Variants in GRIK1 observed in about 807,000 individuals in gnomAD.
The protein encoded by GRIK1 is glutamate ionotropic receptor kainate type subunit 1.
Under a neutral mutation model 105.7 loss-of-function variants are expected in GRIK1, and 69 were observed. That is an observed-to-expected ratio of 0.65 (90% CI 0.54 to 0.80). GRIK1 has a LOEUF of 0.80. Among genes scored for constraint, GRIK1 ranks in the 30% least tolerant of loss-of-function variants. The probability of loss-of-function intolerance (pLI) is 0.00; values close to 1 mark genes in which losing one functional copy is unlikely to be tolerated. For missense variants in GRIK1, 1,109 were observed against 1,167.3 expected, an observed-to-expected ratio of 0.95 and a Z score of 0.73; for synonymous variants, 438 against 431.3, an observed-to-expected ratio of 1.02 and a Z score of -0.19.
intron 1 of GRIK1, among the ~76,000 whole-genome samples, chr21:29,851,349 C>T (rs1240791193): frequency 1.3e-5 from 2 of 152,200 alleles, no homozygotes; most frequent in Non-Finnish European, 2.9e-5. Context: ...GCCACATCCC[C>T]CGGCCTAGAA....
chr21:29,781,295 C>T (rs576220092), intron 1 of GRIK1, among the ~76,000 whole-genome samples: 1 of 152,272 alleles, frequency 6.6e-6, no homozygotes, highest in African/African-American at 2.4e-5. Context: ...CTCCTTCCCT[C>T]CCACACTGCA....
chr21:29,656,261 C>T (rs1042577352), intron 4 of GRIK1, among the ~76,000 whole-genome samples: 1 of 143,148 alleles, frequency 7.0e-6, no homozygotes, highest in Admixed American at 7.5e-5. Context: ...ACTCAGGAGG[C>T]TGAGGCAGGA....
intron 2 of GRIK1, among the ~76,000 whole-genome samples, chr21:29,692,539 T>G (rs890040633): frequency 2.0e-5 from 3 of 152,218 alleles, no homozygotes; most frequent in African/African-American, 7.2e-5. Context: ...TATACTTAAG[T>G]CAGGCCATAG....
At chr21:29,615,729 A>T (rs2061835335) in intron 7 of GRIK1, among the ~76,000 whole-genome samples, 1 of 152,252 alleles carries the variant, frequency 6.6e-6, no homozygotes, top group Non-Finnish European at 1.5e-5. Flanking sequence ...TGCAAAAATG[A>T]TATACTTTAA....
chr21:29,804,002 T>A (rs1399191387), intron 1 of GRIK1, among the ~76,000 whole-genome samples: 4 of 152,130 alleles, frequency 2.6e-5, no homozygotes, highest in Non-Finnish European at 5.9e-5. Context: ...TAGATAAACC[T>A]GGTCTGGGAG....
At chr21:29,620,791 ATC>A (rs202094182) in intron 7 of GRIK1, among the ~76,000 whole-genome samples, 7,853 of 122,010 alleles carry the variant, frequency 0.064, 521 homozygotes, top group East Asian at 0.19. Flanking sequence ...AGATATATAT[ATC>A]TATATATATA....
intron 7 of GRIK1, among the ~76,000 whole-genome samples, chr21:29,628,931 T>C (rs1432703043): frequency 1.3e-5 from 2 of 152,214 alleles, no homozygotes; most frequent in African/African-American, 4.8e-5. Context: ...ATTCATGTCT[T>C]GCTCTAGTTA....
At chr21:29,718,834 C>T (rs1262731108) in intron 1 of GRIK1, among the ~76,000 whole-genome samples, 6 of 152,112 alleles carry the variant, frequency 3.9e-5, no homozygotes, top group Non-Finnish European at 8.8e-5. Context: ...GTGCTCAGTG[C>T]CTTTGCACTC....
intron 1 of GRIK1, among the ~76,000 whole-genome samples, chr21:29,755,013 T>A (rs1601608115): frequency 3.3e-5 from 5 of 152,384 alleles, no homozygotes; most frequent in Admixed American, 3.3e-4. Context: ...TATATGTTTC[T>A]TTCATGGAAT....
intron 7 of GRIK1, among the ~76,000 whole-genome samples, chr21:29,613,348 A>G (rs1281935477): frequency 6.6e-6 from 1 of 152,190 alleles, no homozygotes; most frequent in East Asian, 1.9e-4. Context: ...TGGTTTTTAC[A>G]TTTTAAATGA....
In GRIK1 at chr21:29,789,867, AC is replaced by A. The variant is rs200492638; in HGVS notation, c.119-95805del. Among the ~76,000 whole-genome samples the A allele has an allele frequency of 5.3e-3, 800 of 152,302 alleles. 8 individuals are homozygous for A. The highest frequency in any genetic ancestry group is 0.018 in the African/African-American group (768 of 41,556). ...ACCAGTGTTTATTTCCGTGTTGTGA[AC>A]TTTAAAAGGGTATTTGTAAAATGCC... On this transcript the variant is annotated intron_variant, in intron 1 of 17. Coordinates refer to ENST00000327783, the MANE Select transcript of GRIK1 (RefSeq NM_001330994.2).
intron 1 of GRIK1, among the ~76,000 whole-genome samples, chr21:29,821,619 C>A (rs2067310276): frequency 6.6e-6 from 1 of 151,970 alleles, no homozygotes; most frequent in African/African-American, 2.4e-5. Context: ...CACTTAAGTT[C>A]CCTGCAATAG....
At chr21:29,681,789 A>G (rs1003268587) in intron 3 of GRIK1, among the ~76,000 whole-genome samples, 10 of 152,250 alleles carry the variant, frequency 6.6e-5, no homozygotes, top group African/African-American at 2.4e-4. Flanking sequence ...CCATATGCTT[A>G]GAACAATGCC....
intron 1 of GRIK1, among the ~76,000 whole-genome samples, chr21:29,864,735 G>A (rs992144575): frequency 6.6e-6 from 1 of 151,752 alleles, no homozygotes; most frequent in Admixed American, 6.6e-5. Context: ...ATTTCTGTAA[G>A]TGCCTGTTCA....
chr21:29,932,877 T>C (rs1412925542), intron 1 of GRIK1, among the ~76,000 whole-genome samples: 1 of 151,518 alleles, frequency 6.6e-6, no homozygotes, highest in East Asian at 1.9e-4. Flanking sequence ...AAGTCTAATA[T>C]GAATTTTCAA....
chr21:29,905,672 G>A (rs2070599794), intron 1 of GRIK1, among the ~76,000 whole-genome samples: 1 of 133,782 alleles, frequency 7.5e-6, no homozygotes, highest in Non-Finnish European at 1.6e-5. Flanking sequence ...TGTCGCCCAG[G>A]CTGGAGTGCA....
At chr21:29,775,639 C>T (rs574127199) in intron 1 of GRIK1, among the ~76,000 whole-genome samples, 11 of 152,274 alleles carry the variant, frequency 7.2e-5, no homozygotes, top group African/African-American at 2.6e-4. Context: ...TGACTCTGCT[C>T]CATGGTGAGC....
rs1170434654 is a variant in GRIK1, at chr21:29,694,001, C to A, written c.181G>T (p.Ala61Ser). 1 of 1,611,466 alleles carries A rather than the reference C, an allele frequency of 6.2e-7. No individual in the cohort carries two copies. Among genetic ancestry groups the A allele is most frequent in the East Asian group, 2.2e-5 (1 of 44,866 alleles). Residue 61 changes from alanine to serine, a missense_variant, in exon 2 of 18, where the codon GCA (alanine) becomes TCA (serine). Transcript: ENST00000327783. ...VNVEELAFKF[A>S]VTSINRNRTL... is the part of the protein sequence containing the mutation. ...CGGTTTCTGTTAATGCTGGTGACTG[C>A]AAACTTGAAAGCTAATTCTTCAACA...
chr21:29,561,768 C>T lies in GRIK1; in HGVS notation c.2212G>A (p.Glu738Lys). The T allele has an allele frequency of 2.5e-6, 4 of 1,613,886 alleles. No homozygotes were observed. Among genetic ancestry groups the T allele is most frequent in the Non-Finnish European group, 3.4e-6 (4 of 1,179,766 alleles). ...GTGGTGAGCACTCTCTGGATCCCCT[C>T]ATCACTGTTTCTTACCAGGGCGGTC... ...QQTALVRNSD[E>K]GIQRVLTTDY... The change falls in exon 15 of 18, where the codon GAG becomes AAG. Residue 738 changes from glutamate (E) to lysine (K), a missense_variant. Physicochemically the swap from Glu to Lys is moderately conservative, Grantham distance 56 (BLOSUM62 1). Coordinates refer to ENST00000327783, the MANE Select transcript of GRIK1 (RefSeq NM_001330994.2).
Sources: gnomAD v4.1 joint callset for allele counts (sites outside exome capture counted in the v4.1 genomes callset) on GRCh38, gnomAD v4.1.1 for gene constraint, MANE v1.5 for transcripts, NCBI Gene and HGNC (gene_info 2026-07-23, HGNC 2026-07-21) for gene names.